CDC42EP4: variants seen among roughly 807,000 people sequenced by gnomAD.
The protein encoded by CDC42EP4 is CDC42 effector protein 4, also known as CDC42 effector protein (Rho GTPase binding) 4.
CDC42EP4 carries 6 observed loss-of-function variants against 5.6 expected under a neutral mutation model. The observed-to-expected ratio is 1.07, with a 90% CI of 0.59 to 2.12. The LOEUF (loss-of-function observed/expected upper bound fraction) is 2.12. CDC42EP4 is among the 30% of genes most tolerant of loss of function. The pLI is 0.00. For synonymous variants in CDC42EP4, 230 were observed against 224.2 expected, an observed-to-expected ratio of 1.03 and a Z score of -0.23; for missense variants, 490 against 508.6, an observed-to-expected ratio of 0.96 and a Z score of 0.35.
intron 1 of CDC42EP4, among the ~76,000 whole-genome samples, chr17:73,296,907 G>C (rs2062188986): frequency 6.8e-6 from 1 of 147,710 alleles, no homozygotes; most frequent in Non-Finnish European, 1.5e-5. Context: ...CGTGAACCCG[G>C]GAGGCGGAGC....
At chr17:73,300,973 G>C (rs903142219) in intron 1 of CDC42EP4, among the ~76,000 whole-genome samples, 1 of 151,664 alleles carries the variant, frequency 6.6e-6, no homozygotes, top group Non-Finnish European at 1.5e-5. Context: ...TTCAACCCGG[G>C]AGGCAGAGTT....
intron 1 of CDC42EP4, among the ~76,000 whole-genome samples, chr17:73,296,509 CAG>C (rs781077219): frequency 5.9e-5 from 9 of 151,642 alleles, no homozygotes; most frequent in Non-Finnish European, 7.4e-5. Flanking sequence ...GCCATTAACT[CAG>C]AGCACCATTC....
At chr17:73,288,153 C>T (rs958337696) in intron 1 of CDC42EP4, among the ~76,000 whole-genome samples, 6 of 152,174 alleles carry the variant, frequency 3.9e-5, no homozygotes, top group African/African-American at 9.7e-5. Flanking sequence ...CTGCCCCCCA[C>T]GGCACTTTGG....
At position 73,284,133 on chromosome 17, in the gene CDC42EP4, T is replaced by C. The variant is rs2062116809; in HGVS notation, c.*1297A>G. 2 of 152,240 alleles carry C rather than the reference T, an allele frequency of 1.3e-5. No homozygotes were observed. Among genetic ancestry groups the C allele is most frequent in the South Asian group, 4.1e-4 (2 of 4,836 alleles). 9.4% of individuals were successfully genotyped at this position (152,240 alleles called of 1,614,324 possible). Reference sequence around the variant, plus strand: ...TGTTCCAAATATTGCGTGGGGCATATTAATGCTAGAAAATTATCTTTTGTT... The same window carrying C: ...TGTTCCAAATATTGCGTGGGGCATACTAATGCTAGAAAATTATCTTTTGTT... On this transcript the variant is annotated 3_prime_UTR_variant, in exon 2 of 2. Coordinates refer to ENST00000335793, the MANE Select transcript of CDC42EP4 (RefSeq NM_012121.5).
At position 73,286,353 on chromosome 17, in the gene CDC42EP4, T is replaced by G. The variant is rs1599428342; in HGVS notation, c.148A>C (p.Thr50Pro). The G allele has an allele frequency of 6.2e-7, 1 of 1,614,070 alleles. No individual in the cohort carries two copies. Among genetic ancestry groups the G allele is most frequent in the Non-Finnish European group, 8.5e-7 (1 of 1,180,024 alleles). The change falls in exon 2 of 2, where the codon ACC (threonine) becomes CCC (proline). Residue 50 changes from threonine to proline, a missense_variant. Transcript: ENST00000335793. The surrounding 1 kb of genome is among the most constrained non-coding windows in gnomAD (Gnocchi z 7.7). ...VGRAGDAFGD[T>P]SFLNSKAGEP... Reference sequence around the variant, plus strand: ...CCAGCCTTGCTATTGAGGAAGGAGGTGTCCCCAAAGGCGTCTCCGGCCCGG... The same window carrying G: ...CCAGCCTTGCTATTGAGGAAGGAGGGGTCCCCAAAGGCGTCTCCGGCCCGG...
At chr17:73,287,394 C>T (rs2062140087) in intron 1 of CDC42EP4, among the ~76,000 whole-genome samples, 1 of 152,196 alleles carries the variant, frequency 6.6e-6, no homozygotes, top group Admixed American at 6.5e-5. Flanking sequence ...TTTCTTTCAT[C>T]ATTAGGGGAG....
Position 73,297,803 on chromosome 17 carries a change from T to A in CDC42EP4, c.-112-11191A>T, listed in dbSNP as rs556021326. Among the ~76,000 whole-genome samples, 17 of 151,862 alleles carry A rather than the reference T, an allele frequency of 1.1e-4. No individual in the cohort carries two copies. In the East Asian group the frequency reaches 2.3e-3, roughly 21 times the overall value. ...CCTCCCAAGTAGCTGGGATTACAGGTGCACACCATGACGGCCAGTTAATTT... is the reference window on the plus strand; with the variant it reads ...CCTCCCAAGTAGCTGGGATTACAGGAGCACACCATGACGGCCAGTTAATTT... On this transcript the variant is annotated intron_variant, in intron 1 of 1. Transcript: ENST00000335793.
intron 1 of CDC42EP4, among the ~76,000 whole-genome samples, chr17:73,295,706 C>G (rs1242081950): frequency 6.6e-6 from 1 of 151,664 alleles, no homozygotes; most frequent in Non-Finnish European, 1.5e-5. Context: ...AGTTTGAGAC[C>G]AGCCTGGCCA....
intron 1 of CDC42EP4, among the ~76,000 whole-genome samples, chr17:73,292,463 C>G (rs1202571492): frequency 6.6e-6 from 1 of 151,622 alleles, no homozygotes; most frequent in Non-Finnish European, 1.5e-5. Flanking sequence ...GTGAAAATAG[C>G]ACGCTGTTTT....
chr17:73,287,251 A>G (rs1482019033), intron 1 of CDC42EP4, among the ~76,000 whole-genome samples: 1 of 152,164 alleles, frequency 6.6e-6, no homozygotes, highest in Non-Finnish European at 1.5e-5. Context: ...CCAGCTCCCC[A>G]GCCTTTCAGC....
chr17:73,308,968 G>A (rs1302573172), intron 1 of CDC42EP4, among the ~76,000 whole-genome samples: 3 of 144,358 alleles, frequency 2.1e-5, no homozygotes, highest in Non-Finnish European at 4.5e-5. Flanking sequence ...AACCCGGGAG[G>A]TGGAGGATGC....
Position 73,284,738 on chromosome 17 carries a change from T to TTCC in CDC42EP4, c.*689_*691dup, listed in dbSNP as rs1320679442. The TTCC allele has an allele frequency of 6.6e-6, 1 of 152,152 alleles. No homozygotes were observed. Among genetic ancestry groups the TTCC allele is most frequent in the African/African-American group, 2.4e-5 (1 of 41,424 alleles). 9.4% of individuals were successfully genotyped at this position (152,152 alleles called of 1,614,324 possible). On this transcript the variant is annotated 3_prime_UTR_variant, in exon 2 of 2. Coordinates refer to ENST00000335793, the MANE Select transcript of CDC42EP4 (RefSeq NM_012121.5). ...GGACTGAGCGAGTGCCCTAGCCCTG[T>TTCC]TCCTAGTGTCATCCTGGAAGGGTCC... is the stretch of plus-strand genomic sequence containing the variant.
At chr17:73,298,412 A>G (rs532308311) in intron 1 of CDC42EP4, among the ~76,000 whole-genome samples, 1 of 152,166 alleles carries the variant, frequency 6.6e-6, no homozygotes, top group South Asian at 2.1e-4. Flanking sequence ...GATAAGGATC[A>G]CTCCCACCCT....
chr17:73,289,943 C>T (rs1299423725), intron 1 of CDC42EP4, among the ~76,000 whole-genome samples: 1 of 152,156 alleles, frequency 6.6e-6, no homozygotes, highest in Non-Finnish European at 1.5e-5. Flanking sequence ...AGAAGGTAGA[C>T]TCTGCCTCAG....
chr17:73,290,246 A>G (rs2062155289), intron 1 of CDC42EP4, among the ~76,000 whole-genome samples: 1 of 152,160 alleles, frequency 6.6e-6, no homozygotes. Flanking sequence ...TGGGCTAGAA[A>G]CTGGGTCTTT....
chr17:73,299,445 ACACACACACACACAC>A lies in CDC42EP4; in HGVS notation c.-113+12433_-113+12447del, dbSNP rs2062206856. On this transcript the variant is annotated intron_variant, in intron 1 of 1. Transcript: ENST00000335793. ...ACTCCGTCCTAAAAAAAAAAAAAAT[ACACACACACACACAC>A]ACACACACACACACACACATTTTTA... 1.4e-4 allele frequency among the ~76,000 whole-genome samples: 15 copies of A among 104,960 alleles called. 1 individual carries two copies. The South Asian group carries it at 1.9e-3, about 14-fold the overall frequency. 68.9% of individuals were successfully genotyped at this position (104,960 alleles called of 152,430 possible).
chr17:73,307,447 CTTT>C (rs398031541), intron 1 of CDC42EP4: 9 of 132,742 alleles, frequency 6.8e-5, no homozygotes, highest in East Asian at 2.2e-4. Context: ...TTCTTTCTTT[CTTT>C]TTTTTTTTTT....
chr17:73,287,538 C>G (rs969978933), intron 1 of CDC42EP4, among the ~76,000 whole-genome samples: 3 of 152,186 alleles, frequency 2.0e-5, no homozygotes, highest in Non-Finnish European at 4.4e-5. Flanking sequence ...TCTCACAGCT[C>G]CTGACAAGGG....
chr17:73,299,830 G>C (rs1038998163), intron 1 of CDC42EP4, among the ~76,000 whole-genome samples: 3 of 152,038 alleles, frequency 2.0e-5, no homozygotes. Flanking sequence ...TCTATCCCCA[G>C]GCATGGCTGC....
Sources: gnomAD v4.1 joint callset for allele counts (sites outside exome capture counted in the v4.1 genomes callset) on GRCh38, gnomAD v4.1.1 for gene constraint, Gnocchi (gnomAD v3.1) non-coding constraint, MANE v1.5 for transcripts, NCBI Gene and HGNC (gene_info 2026-07-23, HGNC 2026-07-21) for gene names.